SATB1: variants seen among roughly 807,000 people sequenced by gnomAD.
SATB1 encodes the protein DNA-binding protein SATB1.
Under a neutral mutation model 86.9 loss-of-function variants are expected in SATB1, and 11 were observed. That is an observed-to-expected ratio of 0.13 (90% CI 0.08 to 0.21). SATB1 has a LOEUF of 0.21. Among genes scored for constraint, SATB1 ranks in the 10% least tolerant of loss-of-function variants. The probability of loss-of-function intolerance (pLI) is 1.00; values close to 1 mark genes in which losing one functional copy is unlikely to be tolerated. For missense variants in SATB1, 551 were observed against 937.6 expected, an observed-to-expected ratio of 0.59 and a Z score of 5.39; for synonymous variants, 357 against 357.2, an observed-to-expected ratio of 1.00 and a Z score of 0.01.
chr3:18,347,619 T>C lies in SATB1; in HGVS notation c.*1551A>G, dbSNP rs1694122765. On this transcript the variant is annotated 3_prime_UTR_variant, in exon 11 of 11. Transcript: ENST00000338745. ...GAAAAGCATTGCTATAAATGAAGTA[T>C]TGTGAAATAAGCACAGATGAATCCA... 6.6e-6 allele frequency: 1 copy of C among 152,214 alleles called. No individual in the cohort carries two copies. The highest frequency in any genetic ancestry group is 2.1e-4 in the South Asian group (1 of 4,832). The allele number at this position is 152,214 out of a possible 1,614,324, so 9.4% of individuals were successfully genotyped here. A position where few individuals can be genotyped will look rare whatever the true frequency, so the allele number is the denominator to read the frequency against.
chr3:18,418,053 CG>C (rs1213207427), intron 2 of SATB1, among the ~76,000 whole-genome samples: 4 of 152,074 alleles, frequency 2.6e-5, no homozygotes, highest in Non-Finnish European at 5.9e-5. Context: ...CCAATGATAA[CG>C]GAAAAGGGTT....
At chr3:18,445,463 G>A (rs1219797784) in intron 1 of SATB1, 2 of 985,136 alleles carry the variant, frequency 2.0e-6, no homozygotes, top group Non-Finnish European at 2.4e-6. Context: ...GCGCTTGGGG[G>A]TGCGCTTGGG....
intron 9 of SATB1, among the ~76,000 whole-genome samples, chr3:18,372,539 G>C (rs1484882855): frequency 3.3e-5 from 5 of 151,968 alleles, no homozygotes; most frequent in Non-Finnish European, 5.9e-5. Context: ...CGACTTTTTA[G>C]CCAGAAATAT....
intron 9 of SATB1, among the ~76,000 whole-genome samples, chr3:18,362,353 G>C (rs1217525932): frequency 1.3e-5 from 2 of 152,030 alleles, no homozygotes; most frequent in South Asian, 4.2e-4. Context: ...ACACTTCAAC[G>C]AGTGAAATGT....
chr3:18,349,526 G>A lies in SATB1; in HGVS notation c.1936C>T (p.Arg646Trp), dbSNP rs760091412. The A allele has an allele frequency of 4.3e-6, 7 of 1,613,994 alleles. No individual in the cohort carries two copies. In the Admixed American group the frequency reaches 8.3e-5, roughly 19 times the overall value. The change falls in exon 11 of 11, where the codon CGG (arginine) becomes TGG (tryptophan). Residue 646 changes from arginine to tryptophan, a missense_variant. Physicochemically the swap from Arg to Trp is moderately radical, Grantham distance 101. This residue lies in a region of SATB1 where 87 missense variants were observed against 103.6 expected (regional missense o/e 0.84). Transcript: ENST00000338745. This position sits in a 1 kb window ranked among gnomAD's most constrained non-coding sequence, Gnocchi z 5.5. ...ESDEENRQKT[R>W]PRTKISVEAL... ...TCCACTGAAATTTTTGTTCGTGGCC[G>A]GGTCTTCTGTCGGTTTTCCTCATCT... is the stretch of plus-strand genomic sequence containing the variant.
chr3:18,410,580 A>G (rs1294202412), intron 5 of SATB1, among the ~76,000 whole-genome samples: 2 of 152,106 alleles, frequency 1.3e-5, no homozygotes, highest in South Asian at 2.1e-4. Context: ...ATTTCAACTA[A>G]TAAGATGTTA....
rs117008154 is a variant in SATB1 at position 18,383,124 on chromosome 3, C to A, written c.1419+3275G>T. 4.8e-4 allele frequency among the ~76,000 whole-genome samples: 73 copies of A among 152,282 alleles called. No homozygotes were observed. The East Asian group carries it at 0.012, about 25-fold the overall frequency. ...TGCAGCAACCAGGTCTGGCCCAGAG[C>A]CTATAGCCCAGGCAGAGGATGAAGC... On this transcript the variant is annotated intron_variant, in intron 8 of 10. Transcript: ENST00000338745.
rs1410211888 is a variant in SATB1, at chr3:18,394,630, G to A, written c.1038C>T (p.Tyr346=). ...TACTGACAGGGGGAGGGTGGTTCAA[G>A]TATTGTTGGTTTAAGGACTGCTGGG... ...LLAQQSLNQQ[Y]LNHPPPVSRS... is the part of the protein sequence containing the mutation. The change falls in exon 7 of 11, where the codon TAC becomes TAT. Residue 346 remains tyrosine (Y), a synonymous_variant. Transcript: ENST00000338745. The surrounding 1 kb of genome is among the most constrained non-coding windows in gnomAD (Gnocchi z 5.9). 4 of 1,614,170 alleles carry A rather than the reference G, an allele frequency of 2.5e-6. No homozygotes were observed. The Admixed American group carries it at 6.7e-5, about 27-fold the overall frequency.
chr3:18,408,697 G>A (rs1432681152), intron 5 of SATB1: 1 of 149,650 alleles, frequency 6.7e-6, no homozygotes, highest in Non-Finnish European at 1.5e-5. Flanking sequence ...TTTTTTTCCT[G>A]GAGTTGGGGG....
chr3:18,356,607 A>T (rs766681192), intron 9 of SATB1, among the ~76,000 whole-genome samples: 20 of 151,888 alleles, frequency 1.3e-4, no homozygotes, highest in Non-Finnish European at 2.5e-4. Context: ...TGCTTTACTG[A>T]CAAAATCTTG....
chr3:18,370,553 G>GAAAAAAAAAAAAAAAAAAAAAAA (rs1475483695), intron 9 of SATB1, among the ~76,000 whole-genome samples: 1 of 67,150 alleles, frequency 1.5e-5, no homozygotes. Context: ...AAACAAAAAA[G>GAAAAAAAAAAAAAAAAAAAAAAA]AAAAAAGAAA....
intron 5 of SATB1, among the ~76,000 whole-genome samples, chr3:18,413,144 T>C (rs1697945663): frequency 6.6e-6 from 1 of 152,066 alleles, no homozygotes; most frequent in Non-Finnish European, 1.5e-5. Context: ...AATTCACCAA[T>C]GTATGACTCC....
At chr3:18,432,597 G>A (rs752226703) in intron 2 of SATB1, among the ~76,000 whole-genome samples, 1 of 152,082 alleles carries the variant, frequency 6.6e-6, no homozygotes, top group Non-Finnish European at 1.5e-5. Context: ...AAATACTACT[G>A]TAACACTTGA....
rs897766314 is a variant in SATB1 at position 18,435,679 on chromosome 3, A to G, written c.-25+1110T>C. 3.3e-5 allele frequency among the ~76,000 whole-genome samples: 5 copies of G among 152,298 alleles called. No individual in the cohort carries two copies. In the South Asian group the frequency reaches 6.2e-4, roughly 19 times the overall value. On this transcript the variant is annotated intron_variant, in intron 2 of 3. Coordinates refer to the SATB1 transcript ENST00000414509. ...GACAGTAGTTAGGTAATCTACAGATAGAGAATCATTAAAAAAAAATAAAGC... is the reference window on the plus strand; with the variant it reads ...GACAGTAGTTAGGTAATCTACAGATGGAGAATCATTAAAAAAAAATAAAGC...
chr3:18,351,934 G>T (rs954000505), intron 10 of SATB1, 58 bp downstream of exon 10: 2 of 1,538,092 alleles, frequency 1.3e-6, no homozygotes, highest in Admixed American at 1.7e-5. Flanking sequence ...TAATTTCCCT[G>T]CTAAGTTTAA....
chr3:18,386,359 A>AC lies in SATB1; in HGVS notation c.1419+39_1419+40insG, dbSNP rs1347754242. The AC allele has an allele frequency of 6.8e-7, 1 of 1,479,666 alleles. No individual in the cohort carries two copies. Among genetic ancestry groups the AC allele is most frequent in the Non-Finnish European group, 9.3e-7 (1 of 1,070,618 alleles). The allele number at this position is 1,479,666 out of a possible 1,614,324, so 91.7% of individuals were successfully genotyped here. ...GATTCTTCCTCAAGCATTAAAAAAA[A>AC]GCTAAACAAAGAAGGGCAAGGAGGA... On this transcript the variant is annotated intron_variant, in intron 8 of 10. Coordinates refer to ENST00000338745, the MANE Select transcript of SATB1 (RefSeq NM_002971.6). The surrounding 1 kb of genome is among the most constrained non-coding windows in gnomAD (Gnocchi z 4.5).
Position 18,369,717 on chromosome 3 carries a change from G to T in SATB1, c.1575+8453C>A, listed in dbSNP as rs899044929. On this transcript the variant is annotated intron_variant, in intron 9 of 10. Transcript: ENST00000338745. ...CCACATTAGCTGTAAGGGATGGGGG[G>T]GTGGGAGGAAAAAGGAGGAGGAGAG... 5.9e-5 allele frequency among the ~76,000 whole-genome samples: 9 copies of T among 151,996 alleles called. No individual in the cohort carries two copies. In the East Asian group the frequency reaches 1.3e-3, roughly 23 times the overall value.
In SATB1 at chr3:18,367,890, T is replaced by C. The variant is rs1695265648; in HGVS notation, c.1575+10280A>G. Among the ~76,000 whole-genome samples the C allele has an allele frequency of 2.0e-5, 3 of 152,234 alleles. No homozygotes were observed. In the South Asian group the frequency reaches 6.2e-4, roughly 32 times the overall value. ...AGGAACAATTTAGGACTCCTTTTAA[T>C]GGTGAGCTCCACCAGTGATTGCAAA... is the stretch of plus-strand genomic sequence containing the variant. On this transcript the variant is annotated intron_variant, in intron 9 of 10. Transcript: ENST00000338745.
intron 5 of SATB1, among the ~76,000 whole-genome samples, chr3:18,405,834 T>C (rs1575150249): frequency 6.6e-6 from 1 of 151,994 alleles, no homozygotes; most frequent in East Asian, 1.9e-4. Flanking sequence ...TATTCATCAT[T>C]GTCAGCTTTT....
Sources: allele counts gnomAD v4.1 joint callset (sites outside exome capture counted in the v4.1 genomes callset), GRCh38; gene constraint gnomAD v4.1.1; regional missense constraint gnomAD v4.1.1; non-coding constraint Gnocchi (gnomAD v3.1); transcripts MANE v1.5; gene names NCBI Gene and HGNC (gene_info 2026-07-23, HGNC 2026-07-21).